Variants in TAS2R1 observed in about 807,000 individuals in gnomAD.
The protein encoded by TAS2R1 is taste 2 receptor member 1.
For missense variants in TAS2R1, 370 were observed against 353.4 expected, an observed-to-expected ratio of 1.05 and a Z score of -0.38; for synonymous variants, 141 against 134.2, an observed-to-expected ratio of 1.05 and a Z score of -0.35.
At chr5:9,704,392 T>A (rs1025571467) in intron 1 of TAS2R1, among the ~76,000 whole-genome samples, 2 of 151,924 alleles carry the variant, frequency 1.3e-5, no homozygotes, top group African/African-American at 4.8e-5. Flanking sequence ...ATTACAAATC[T>A]AATTTAGTAA....
intron 1 of TAS2R1, among the ~76,000 whole-genome samples, chr5:9,705,050 A>G (rs1300285166): frequency 6.7e-6 from 1 of 148,160 alleles, no homozygotes; most frequent in African/African-American, 2.7e-5. Flanking sequence ...TTCAATGGGA[A>G]AAAAACCATA....
the TAS2R1 span, among the ~76,000 whole-genome samples, chr5:9,785,465 C>T: frequency 6.6e-6 from 1 of 152,180 alleles, no homozygotes; most frequent in Non-Finnish European, 1.5e-5. Context: ...CAAAAATTAA[C>T]AGTGATTATC....
intron 1 of TAS2R1, among the ~76,000 whole-genome samples, chr5:9,677,434 AAGACAAGAC>A (rs1353341173): frequency 1.5e-5 from 2 of 130,814 alleles, no homozygotes; most frequent in African/African-American, 5.8e-5. Context: ...AGAGAACCAA[AAGACAAGAC>A]AGAATTAAAA....
intron 1 of TAS2R1, among the ~76,000 whole-genome samples, chr5:9,701,502 T>C (rs1245863780): frequency 6.6e-6 from 1 of 152,144 alleles, no homozygotes; most frequent in Non-Finnish European, 1.5e-5. Context: ...ATATTGCACG[T>C]GCTTATAACC....
intron 1 of TAS2R1, among the ~76,000 whole-genome samples, chr5:9,685,038 C>T (rs1210451140): frequency 6.6e-6 from 1 of 152,116 alleles, no homozygotes; most frequent in Non-Finnish European, 1.5e-5. Context: ...GAAGCTCACA[C>T]AGGTCCAGTC....
the TAS2R1 span, among the ~76,000 whole-genome samples, chr5:9,768,347 C>T: frequency 6.6e-6 from 1 of 152,198 alleles, no homozygotes; most frequent in Non-Finnish European, 1.5e-5. Context: ...CTTCTCTCCT[C>T]CCTAAAGCCT....
chr5:9,885,674 C>G, the TAS2R1 span, among the ~76,000 whole-genome samples: 4 of 152,080 alleles, frequency 2.6e-5, no homozygotes, highest in Admixed American at 1.3e-4. Context: ...GCAAAATTAT[C>G]CTTTAAAAGA....
At chr5:9,632,520 A>AC (rs1739889447), upstream of TAS2R1, among the ~76,000 whole-genome samples, 1 of 152,134 alleles carries the variant, frequency 6.6e-6, no homozygotes. Context: ...ACAGCATTTT[A>AC]CCCCCAGTAG....
chr5:9,856,568 G>T, the TAS2R1 span, among the ~76,000 whole-genome samples: 1 of 152,136 alleles, frequency 6.6e-6, no homozygotes, highest in Admixed American at 6.6e-5. Context: ...GGAGATACAG[G>T]GATCCACAGA....
chr5:9,791,485 G>C, the TAS2R1 span, among the ~76,000 whole-genome samples: 1 of 152,188 alleles, frequency 6.6e-6, no homozygotes, highest in Non-Finnish European at 1.5e-5. Context: ...AATCACTTGA[G>C]GCCAGGAGTT....
the TAS2R1 span, among the ~76,000 whole-genome samples, chr5:9,839,480 A>G: frequency 3.3e-5 from 5 of 152,234 alleles, no homozygotes; most frequent in East Asian, 9.6e-4. Flanking sequence ...AAACAAAATA[A>G]AAAAAGAAAA....
At chr5:9,649,280 T>G (rs1228044394) in intron 2 of TAS2R1, among the ~76,000 whole-genome samples, 1 of 152,210 alleles carries the variant, frequency 6.6e-6, no homozygotes, top group Non-Finnish European at 1.5e-5. Context: ...AAGAGCTGTA[T>G]TCAAAGAACT....
chr5:9,693,092 C>T (rs1330308508), intron 1 of TAS2R1, among the ~76,000 whole-genome samples: 1 of 152,198 alleles, frequency 6.6e-6, no homozygotes, highest in Non-Finnish European at 1.5e-5. Context: ...GAGCAAAACA[C>T]TCCACAGAGA....
chr5:9,727,344 G>A, the TAS2R1 span, among the ~76,000 whole-genome samples: 1 of 152,160 alleles, frequency 6.6e-6, no homozygotes, highest in African/African-American at 2.4e-5. Flanking sequence ...AAAATAATTA[G>A]TCTCAGATAA....
chr5:9,693,589 T>C (rs1438456356), intron 1 of TAS2R1, among the ~76,000 whole-genome samples: 2 of 149,400 alleles, frequency 1.3e-5, no homozygotes, highest in African/African-American at 4.9e-5. Context: ...TTTGGTCTCT[T>C]GCAGACATTT....
At chr5:9,880,831 G>T in the TAS2R1 span, among the ~76,000 whole-genome samples, 1 of 152,176 alleles carries the variant, frequency 6.6e-6, no homozygotes, top group Non-Finnish European at 1.5e-5. Context: ...TAGACAAGAA[G>T]AAGCCCAAAA....
At chr5:9,700,122 G>C (rs1741446117) in intron 1 of TAS2R1, among the ~76,000 whole-genome samples, 1 of 152,024 alleles carries the variant, frequency 6.6e-6, no homozygotes, top group African/African-American at 2.4e-5. Flanking sequence ...CTAATCCATA[G>C]AATCCTGAAC....
chr5:9,891,139 TATCTAAAA>T, the TAS2R1 span, among the ~76,000 whole-genome samples: 38 of 152,190 alleles, frequency 2.5e-4, no homozygotes, highest in Non-Finnish European at 1.2e-4. Flanking sequence ...TATTCATAAT[TATCTAAAA>T]AGAAAGCCAA....
the TAS2R1 span, among the ~76,000 whole-genome samples, chr5:9,874,766 A>C: frequency 2.0e-5 from 3 of 152,148 alleles, no homozygotes; most frequent in Non-Finnish European, 4.4e-5. Context: ...TCTGAGCAAT[A>C]ACTCCATCTC....
Sources: allele counts gnomAD v4.1 joint callset (sites outside exome capture counted in the v4.1 genomes callset), GRCh38; gene constraint gnomAD v4.1.1; transcripts MANE v1.5; gene names NCBI Gene and HGNC (gene_info 2026-07-23, HGNC 2026-07-21).